ABCA13: variants seen among roughly 807,000 people sequenced by gnomAD.
The protein encoded by ABCA13 is ATP binding cassette subfamily A member 13, also known as ATP-binding cassette sub-family A member 13.
A neutral mutation model predicts 478.7 loss-of-function variants in ABCA13; 476 were observed. That is an observed-to-expected ratio of 0.99 (90% CI 0.92 to 1.07). ABCA13 has a LOEUF of 1.07. Ranked by LOEUF, ABCA13 falls within the 50% of genes least tolerant of loss-of-function variation. The probability of loss-of-function intolerance (pLI) is 0.00; values close to 1 mark genes in which losing one functional copy is unlikely to be tolerated. For missense variants in ABCA13, 6,060 were observed against 5,910.6 expected, an observed-to-expected ratio of 1.03 and a Z score of -0.83; for synonymous variants, 2,252 against 2,158.9, an observed-to-expected ratio of 1.04 and a Z score of -1.20.
chr7:48,460,075 A>T (rs1190243508), intron 43 of ABCA13, among the ~76,000 whole-genome samples: 1 of 152,054 alleles, frequency 6.6e-6, no homozygotes, highest in East Asian at 1.9e-4. Context: ...ACCTAGAAAA[A>T]GACCTAGAAG....
chr7:48,498,243 G>C (rs1467297772), intron 48 of ABCA13, among the ~76,000 whole-genome samples: 1 of 152,176 alleles, frequency 6.6e-6, no homozygotes, highest in African/African-American at 2.4e-5. Context: ...TTTGCCTAGA[G>C]TAAGGCAGAT....
chr7:48,343,363 T>C (rs1327043923), intron 29 of ABCA13, among the ~76,000 whole-genome samples: 1 of 152,112 alleles, frequency 6.6e-6, no homozygotes, highest in East Asian at 1.9e-4. Flanking sequence ...CCTGTACTCC[T>C]GGATAGATTC....
At chr7:48,283,709 T>C (rs982951174) in intron 19 of ABCA13, among the ~76,000 whole-genome samples, 3 of 152,210 alleles carry the variant, frequency 2.0e-5, no homozygotes, top group African/African-American at 7.2e-5. Flanking sequence ...GCCTCCTTAC[T>C]GTCACGATGG....
At chr7:48,561,777 G>A (rs960891051) in intron 55 of ABCA13, among the ~76,000 whole-genome samples, 40 of 151,560 alleles carry the variant, frequency 2.6e-4, no homozygotes, top group African/African-American at 8.0e-4. Flanking sequence ...AGTTTTTGGA[G>A]TCAAGTCTAA....
chr7:48,449,057 G>A (rs1273557766), intron 42 of ABCA13, among the ~76,000 whole-genome samples: 1 of 152,066 alleles, frequency 6.6e-6, no homozygotes, highest in East Asian at 1.9e-4. Flanking sequence ...TGGCCAGGCT[G>A]GTCTCGAACT....
At chr7:48,572,747 T>A (rs1787797051) in intron 55 of ABCA13, among the ~76,000 whole-genome samples, 1 of 152,152 alleles carries the variant, frequency 6.6e-6, no homozygotes, top group Admixed American at 6.5e-5. Flanking sequence ...CAAGGAATAA[T>A]GGCCTCAGTA....
chr7:48,215,707 C>G (rs778572065), intron 3 of ABCA13, among the ~76,000 whole-genome samples: 6 of 152,146 alleles, frequency 3.9e-5, no homozygotes, highest in Non-Finnish European at 8.8e-5. Flanking sequence ...AAAATTTCCC[C>G]AACCTGACAA....
At chr7:48,409,715 T>C (rs577294947) in intron 39 of ABCA13, among the ~76,000 whole-genome samples, 14 of 152,132 alleles carry the variant, frequency 9.2e-5, no homozygotes, top group Non-Finnish European at 1.6e-4. Flanking sequence ...AGTGCTATGA[T>C]TTTCTTATTC....
At chr7:48,389,563 A>G (rs1237655109) in intron 37 of ABCA13, among the ~76,000 whole-genome samples, 1 of 152,222 alleles carries the variant, frequency 6.6e-6, no homozygotes, top group African/African-American at 2.4e-5. Context: ...TTGTCCTACT[A>G]AGTATCATCT....
intron 23 of ABCA13, among the ~76,000 whole-genome samples, chr7:48,300,028 C>T (rs965678581): frequency 3.9e-5 from 6 of 152,148 alleles, no homozygotes; most frequent in African/African-American, 1.4e-4. Flanking sequence ...TAAGTATATC[C>T]ATAAATGCAC....
At chr7:48,232,384 C>T (rs1789279040) in intron 7 of ABCA13, among the ~76,000 whole-genome samples, 1 of 151,724 alleles carries the variant, frequency 6.6e-6, no homozygotes, top group African/African-American at 2.4e-5. Flanking sequence ...AACAAATTTG[C>T]CTTACAATTG....
chr7:48,644,500 T>C, intron 60 of ABCA13, 117 bp from the exon 61 acceptor site: 2 of 1,114,494 alleles, frequency 1.8e-6, no homozygotes, highest in South Asian at 1.7e-5. Flanking sequence ...CTCACAAAAT[T>C]AAGTGTAGGT....
intron 48 of ABCA13, among the ~76,000 whole-genome samples, chr7:48,495,628 T>C (rs982708627): frequency 7.9e-5 from 12 of 152,240 alleles, no homozygotes; most frequent in African/African-American, 2.9e-4. Context: ...AGATCATCAC[T>C]GACACATTTC....
chr7:48,446,353 T>C lies in ABCA13; in HGVS notation c.12566-8684T>C, dbSNP rs6966461. 8.9e-3 allele frequency among the ~76,000 whole-genome samples: 1,348 copies of C among 150,858 alleles called. 9 individuals are homozygous for C. The highest frequency in any genetic ancestry group is 0.031 in the African/African-American group (1,273 of 41,072). ...TACTGAGTGATTTGGGGAGACATGA[T>C]TGTTTTCTTTATATAATGCTTTGTC... On this transcript the variant is annotated intron_variant, in intron 42 of 61. Coordinates refer to ENST00000435803, the MANE Select transcript of ABCA13 (RefSeq NM_152701.5).
chr7:48,340,740 G>C (rs1042310129), intron 29 of ABCA13, among the ~76,000 whole-genome samples: 10 of 152,190 alleles, frequency 6.6e-5, no homozygotes, highest in African/African-American at 2.4e-4. Context: ...TCAACACATT[G>C]CTGCTTAGCC....
intron 56 of ABCA13, among the ~76,000 whole-genome samples, chr7:48,583,373 T>A (rs980817934): frequency 6.6e-6 from 1 of 152,216 alleles, no homozygotes; most frequent in Admixed American, 6.5e-5. Flanking sequence ...TTCCCTACTT[T>A]ACGACTCATT....
chr7:48,584,880 T>A (rs1438776305), intron 56 of ABCA13, among the ~76,000 whole-genome samples: 2 of 152,356 alleles, frequency 1.3e-5, no homozygotes, highest in East Asian at 3.9e-4. Flanking sequence ...AACATATAGA[T>A]GACATTAAGT....
In ABCA13 at chr7:48,317,149, T is replaced by C. The variant is rs1395349690; in HGVS notation, c.9860-8T>C. ...TAGCAACTTTTTTTTTCTTTCTAAT[T>C]GCAACAGCACCGTTTTGCTTGAAGC... is the stretch of plus-strand genomic sequence containing the variant. On this transcript the variant is annotated splice_polypyrimidine_tract_variant and splice_region_variant and intron_variant, in intron 26 of 61. Coordinates refer to ENST00000435803, the MANE Select transcript of ABCA13 (RefSeq NM_152701.5). 4.4e-6 allele frequency: 7 copies of C among 1,604,084 alleles called. No homozygotes were observed. The highest frequency in any genetic ancestry group is 5.9e-6 in the Non-Finnish European group (7 of 1,177,382).
chr7:48,437,813 A>T (rs10234238), intron 42 of ABCA13, among the ~76,000 whole-genome samples: 45,233 of 151,906 alleles, frequency 0.3, 6,821 homozygotes, highest in East Asian at 0.38. Flanking sequence ...TATGGTCTTC[A>T]TAGTTATTTT....
Sources: allele counts gnomAD v4.1 joint callset (sites outside exome capture counted in the v4.1 genomes callset), GRCh38; gene constraint gnomAD v4.1.1; transcripts MANE v1.5; gene names NCBI Gene and HGNC (gene_info 2026-07-23, HGNC 2026-07-21).